The following CDH12 variants were observed in gnomAD, a reference collection of about 807,000 sequenced individuals.
The protein encoded by CDH12 is cadherin 12, also known as cadherin-12.
A neutral mutation model predicts 74.1 loss-of-function variants in CDH12; 41 were observed. The observed-to-expected ratio is 0.55, with a 90% CI of 0.43 to 0.72. The LOEUF is 0.72. CDH12 is among the 30% of genes least tolerant of loss of function. The probability of loss-of-function intolerance (pLI) is 0.00; values close to 1 mark genes in which losing one functional copy is unlikely to be tolerated. For synonymous variants in CDH12, 399 were observed against 355.0 expected, an observed-to-expected ratio of 1.12 and a Z score of -1.39; for missense variants, 945 against 977.2, an observed-to-expected ratio of 0.97 and a Z score of 0.44.
chr5:22,404,291 G>A (rs1742849843), intron 3 of CDH12, among the ~76,000 whole-genome samples: 1 of 151,904 alleles, frequency 6.6e-6, no homozygotes, highest in Non-Finnish European at 1.5e-5. Context: ...TTAGGATAAA[G>A]TTTTGCTTAG....
intron 1 of CDH12, among the ~76,000 whole-genome samples, chr5:22,583,415 A>C (rs1740204381): frequency 6.6e-6 from 1 of 152,232 alleles, no homozygotes; most frequent in Non-Finnish European, 1.5e-5. Flanking sequence ...ACTTATTTAC[A>C]TACAGAAAAG....
chr5:22,192,734 G>C (rs1750380672), intron 4 of CDH12, among the ~76,000 whole-genome samples: 1 of 152,114 alleles, frequency 6.6e-6, no homozygotes, highest in African/African-American at 2.4e-5. Context: ...GAATAGACTG[G>C]GGCTCACTTT....
intron 6 of CDH12, among the ~76,000 whole-genome samples, chr5:21,876,441 C>T (rs895563871): frequency 4.6e-5 from 7 of 152,126 alleles, no homozygotes; most frequent in African/African-American, 1.4e-4. Context: ...TTATACTTTC[C>T]GGTTGCTTCA....
chr5:22,200,305 C>T (rs145043479), intron 4 of CDH12, among the ~76,000 whole-genome samples: 5,033 of 151,962 alleles, frequency 0.033, 270 homozygotes, highest in African/African-American at 0.12. Flanking sequence ...ATCAAAAAGC[C>T]GGAGAATAGG....
chr5:22,202,483 C>T (rs915788288), intron 4 of CDH12, among the ~76,000 whole-genome samples: 26 of 152,148 alleles, frequency 1.7e-4, no homozygotes, highest in Admixed American at 1.3e-4. Flanking sequence ...CCAGAGTTAA[C>T]CCTTAGTGTT....
At chr5:22,541,800 G>A (rs1471788787) in intron 1 of CDH12, among the ~76,000 whole-genome samples, 1 of 152,156 alleles carries the variant, frequency 6.6e-6, no homozygotes, top group Non-Finnish European at 1.5e-5. Flanking sequence ...AGTAAAACTA[G>A]GACCTAAGAT....
intron 4 of CDH12, among the ~76,000 whole-genome samples, chr5:22,100,078 G>A (rs549423806): frequency 1.3e-5 from 2 of 151,962 alleles, no homozygotes; most frequent in South Asian, 2.1e-4. Flanking sequence ...CAAAATTTTC[G>A]CTGTCCCAAA....
At position 21,802,259 on chromosome 5, in the gene CDH12, G is replaced by C; in HGVS notation, c.1164C>G (p.Leu388=). 1.2e-6 allele frequency: 2 copies of C among 1,613,964 alleles called. No individual in the cohort carries two copies. Among genetic ancestry groups the C allele is most frequent in the Non-Finnish European group, 1.7e-6 (2 of 1,179,972 alleles). Residue 388 remains leucine, a synonymous_variant, in exon 10 of 15, where the codon CTC becomes CTG. Coordinates refer to ENST00000382254, the MANE Select transcript of CDH12 (RefSeq NM_004061.5). ...VDEPPVFSKP[L]YTMEVYEDTP... is the part of the protein sequence containing the mutation. ...TGTCTTCATAAACCTCCATGGTGTA[G>C]AGCGGCTTGCTGAAAACCGGTGGCT...
chr5:22,370,260 C>A (rs557501144), intron 3 of CDH12, among the ~76,000 whole-genome samples: 2 of 152,062 alleles, frequency 1.3e-5, no homozygotes, highest in Admixed American at 1.3e-4. Flanking sequence ...TTAACATATT[C>A]CCACTTATCA....
At chr5:22,415,170 T>C (rs1743329612) in intron 2 of CDH12, among the ~76,000 whole-genome samples, 1 of 152,144 alleles carries the variant, frequency 6.6e-6, no homozygotes, top group African/African-American at 2.4e-5. Flanking sequence ...AGGTAGTATT[T>C]TTAAAGTGCC....
chr5:21,846,011 A>G (rs1420420117), intron 7 of CDH12, among the ~76,000 whole-genome samples: 1 of 152,174 alleles, frequency 6.6e-6, no homozygotes, highest in Non-Finnish European at 1.5e-5. Context: ...GGCATGTTCA[A>G]CATGGAGGCT....
At chr5:22,848,057 C>G (rs942889547) in intron 1 of CDH12, among the ~76,000 whole-genome samples, 7 of 151,884 alleles carry the variant, frequency 4.6e-5, no homozygotes, top group African/African-American at 1.7e-4. Flanking sequence ...TGATCAGTCT[C>G]TTTTTAATGT....
chr5:22,376,711 T>G (rs1013698593), intron 3 of CDH12, among the ~76,000 whole-genome samples: 5 of 133,460 alleles, frequency 3.7e-5, no homozygotes, highest in Non-Finnish European at 6.4e-5. Context: ...TTTTTAGAGA[T>G]GAGCTCTCAT....
rs1747159744 is a variant in CDH12 at position 21,802,280 on chromosome 5, T to C, written c.1143A>G (p.Pro381=). The change falls in exon 10 of 15, where the codon CCA becomes CCG. Residue 381 remains proline, a synonymous_variant. Coordinates refer to ENST00000382254, the MANE Select transcript of CDH12 (RefSeq NM_004061.5). ...VKISVLDVDE[P]PVFSKPLYTM... Reference sequence around the variant, plus strand: ...TGTAGAGCGGCTTGCTGAAAACCGGTGGCTCATCTACGTCCAGCACGCTGA... The same window carrying C: ...TGTAGAGCGGCTTGCTGAAAACCGGCGGCTCATCTACGTCCAGCACGCTGA... 2 of 1,610,150 alleles carry C rather than the reference T, an allele frequency of 1.2e-6. No homozygotes were observed. The highest frequency in any genetic ancestry group is 2.7e-5 in the African/African-American group (2 of 73,982).
rs117932978 is a variant in CDH12 at position 21,781,407 on chromosome 5, C to T, written c.1393+1951G>A. Among the ~76,000 whole-genome samples, 1,396 of 152,200 alleles carry T rather than the reference C, an allele frequency of 9.2e-3. 72 individuals are homozygous for T. In the East Asian group the frequency reaches 0.14, roughly 15 times the overall value. ...AGCATTTGAACAACTGTCTTTACTGCCATTCCATTTTAGCCCTAAAAACAG... is the reference window on the plus strand; with the variant it reads ...AGCATTTGAACAACTGTCTTTACTGTCATTCCATTTTAGCCCTAAAAACAG... On this transcript the variant is annotated intron_variant, in intron 11 of 14. Coordinates refer to ENST00000382254, the MANE Select transcript of CDH12 (RefSeq NM_004061.5).
chr5:22,293,995 C>A (rs1306567470), intron 3 of CDH12, among the ~76,000 whole-genome samples: 4 of 152,008 alleles, frequency 2.6e-5, no homozygotes, highest in Admixed American at 6.6e-5. Flanking sequence ...AAAACAATAA[C>A]TATGTGAGGT....
chr5:22,765,694 T>G lies in CDH12; in HGVS notation c.-523+87364A>C, dbSNP rs144914398. Among the ~76,000 whole-genome samples, 953 of 152,010 alleles carry G rather than the reference T, an allele frequency of 6.3e-3. 8 individuals carry two copies. Among genetic ancestry groups the G allele is most frequent in the African/African-American group, 0.022 (919 of 41,524 alleles). On this transcript the variant is annotated intron_variant, in intron 1 of 14. Transcript: ENST00000382254. ...CATCGGTAACAGATTTTTTTTCATCTGTTTTGCTATTGCATGCCTCTCAAA... is the reference window on the plus strand; with the variant it reads ...CATCGGTAACAGATTTTTTTTCATCGGTTTTGCTATTGCATGCCTCTCAAA...
rs10616177 is a variant in CDH12, at chr5:22,751,339, CATAT to C, written c.-523+101715_-523+101718del. ...AACTGTGATATATATATATAATATA[CATAT>C]ATATATATATATATAATATCTACAA... On this transcript the variant is annotated intron_variant, in intron 1 of 14. Coordinates refer to ENST00000382254, the MANE Select transcript of CDH12 (RefSeq NM_004061.5). Among the ~76,000 whole-genome samples the C allele has an allele frequency of 5.4e-3, 782 of 145,158 alleles. 9 individuals carry two copies. Among genetic ancestry groups the C allele is most frequent in the African/African-American group, 0.014 (556 of 39,974 alleles).
intron 6 of CDH12, among the ~76,000 whole-genome samples, chr5:21,973,285 C>A (rs1756932283): frequency 6.6e-6 from 1 of 152,056 alleles, no homozygotes; most frequent in South Asian, 2.1e-4. Flanking sequence ...CTTGAAGGCC[C>A]AATGGGAAAT....
Sources: gnomAD v4.1 joint callset for allele counts (sites outside exome capture counted in the v4.1 genomes callset) on GRCh38, gnomAD v4.1.1 for gene constraint, MANE v1.5 for transcripts, NCBI Gene and HGNC (gene_info 2026-07-23, HGNC 2026-07-21) for gene names.